Variants in GDF5 observed in about 807,000 individuals in gnomAD.
GDF5 encodes growth/differentiation factor 5.
In GDF5, 17 loss-of-function variants were observed where a neutral mutation model predicts 34.6. The observed-to-expected ratio is 0.49, with a 90% CI of 0.34 to 0.74. GDF5 has a LOEUF of 0.74. GDF5 is among the 30% of genes least tolerant of loss of function. The pLI, the probability that GDF5 is intolerant of heterozygous loss-of-function variation, is 0.01. For synonymous variants in GDF5, 332 were observed against 290.7 expected, an observed-to-expected ratio of 1.14 and a Z score of -1.44; for missense variants, 616 against 661.2, an observed-to-expected ratio of 0.93 and a Z score of 0.75.
intron 1 of GDF5, among the ~76,000 whole-genome samples, chr20:35,453,199 G>A (rs1477270091): frequency 1.3e-5 from 2 of 152,166 alleles, no homozygotes; most frequent in Non-Finnish European, 2.9e-5. Flanking sequence ...GCAGTGAGCC[G>A]AGATTGCGCC....
rs1273626689 is a variant in GDF5 at position 35,437,459 on chromosome 20, T to G, written c.470A>C (p.Glu157Ala). ...KKAREPGPPR[E>A]PKEPFRPPPI... Reference sequence around the variant, plus strand: ...GGGTGGGCGAAACGGCTCCTTGGGCTCTCGTGGGGGCCCGGGCTCCCTGGC... The same window carrying G: ...GGGTGGGCGAAACGGCTCCTTGGGCGCTCGTGGGGGCCCGGGCTCCCTGGC... Residue 157 changes from glutamate (E) to alanine (A), a missense_variant, in exon 1 of 2, where the codon GAG becomes GCG. Physicochemically the swap from Glu to Ala is moderately radical, Grantham distance 107. Transcript: ENST00000374369. 7.4e-6 allele frequency: 12 copies of G among 1,613,838 alleles called. No homozygotes were observed. Among genetic ancestry groups the G allele is most frequent in the Non-Finnish European group, 1.0e-5 (12 of 1,179,886 alleles).
intron 1 of GDF5, among the ~76,000 whole-genome samples, chr20:35,448,879 A>C (rs2062522264): frequency 6.6e-6 from 1 of 152,222 alleles, no homozygotes; most frequent in African/African-American, 2.4e-5. Flanking sequence ...TACGCTGGTC[A>C]CTTCGAGCCT....
chr20:35,442,529 A>G (rs2062501157), upstream of GDF5, among the ~76,000 whole-genome samples: 1 of 139,456 alleles, frequency 7.2e-6, no homozygotes, highest in African/African-American at 2.6e-5. Context: ...GTAACTCTTG[A>G]TACCCGTCTT....
chr20:35,437,773 G>A lies in GDF5; in HGVS notation c.156C>T (p.Pro52=), dbSNP rs111902988. ...CTGGCCTGAAGACGTTCCGGGCCAG[G>A]GGGGGCCTCTCCTTGGCCTCTGCTT... ...LAKAEAKERP[P]LARNVFRPGG... The change falls in exon 1 of 2, where the codon CCC becomes CCT. Residue 52 remains proline (P), a synonymous_variant. Coordinates refer to ENST00000374369, the MANE Select transcript of GDF5 (RefSeq NM_000557.5). 5.6e-5 allele frequency: 91 copies of A among 1,612,966 alleles called. 2 individuals are homozygous for A. In the East Asian group the frequency reaches 1.1e-3, roughly 19 times the overall value.
At chr20:35,441,389 T>C (rs1405976502), upstream of GDF5, 1 of 149,210 alleles carries the variant, frequency 6.7e-6, no homozygotes, top group Non-Finnish European at 1.5e-5. Context: ...CTGTCTCTAC[T>C]AAAAAAATAA....
At chr20:35,448,397 C>CAAAA (rs143351308) in intron 1 of GDF5, among the ~76,000 whole-genome samples, 2 of 110,526 alleles carry the variant, frequency 1.8e-5, no homozygotes, top group African/African-American at 7.3e-5. Flanking sequence ...TTGTTTTTTT[C>CAAAA]AAAAAAAAAA....
At chr20:35,447,600 T>C (rs887151801) in intron 1 of GDF5, among the ~76,000 whole-genome samples, 7 of 152,218 alleles carry the variant, frequency 4.6e-5, no homozygotes, top group Admixed American at 6.5e-5. Context: ...GAAAATATTT[T>C]TATTTTTAAA....
At chr20:35,446,428 T>G (rs550156327) in intron 1 of GDF5, among the ~76,000 whole-genome samples, 1 of 151,990 alleles carries the variant, frequency 6.6e-6, no homozygotes, top group South Asian at 2.1e-4. Flanking sequence ...AATTATAATT[T>G]TATTTATTGC....
intron 1 of GDF5, among the ~76,000 whole-genome samples, chr20:35,453,106 C>G (rs1303967331): frequency 6.6e-6 from 1 of 152,002 alleles, no homozygotes; most frequent in African/African-American, 2.4e-5. Context: ...AAAAATTAGC[C>G]GGGCGTGGTG....
In GDF5 at chr20:35,433,401, C is replaced by G. The variant is rs1436234401; in HGVS notation, c.*508G>C. On this transcript the variant is annotated 3_prime_UTR_variant, in exon 2 of 2. Coordinates refer to ENST00000374369, the MANE Select transcript of GDF5 (RefSeq NM_000557.5). Reference sequence around the variant, plus strand: ...TCAATATACATTTAAATCTAACAGTCTAACAGCCTCACACTCCTCAACTCT... The same window carrying G: ...TCAATATACATTTAAATCTAACAGTGTAACAGCCTCACACTCCTCAACTCT... 2 of 313,424 alleles carry G rather than the reference C, an allele frequency of 6.4e-6. No individual in the cohort carries two copies. Among genetic ancestry groups the G allele is most frequent in the Non-Finnish European group, 1.3e-5 (2 of 159,016 alleles). 19.4% of individuals were successfully genotyped at this position (313,424 alleles called of 1,614,324 possible). A position where few individuals can be genotyped will look rare whatever the true frequency, so the allele number is the denominator to read the frequency against.
upstream of GDF5, among the ~76,000 whole-genome samples, chr20:35,438,851 G>GTGTGCC (rs1385895650): frequency 8.1e-5 from 2 of 24,722 alleles, no homozygotes; most frequent in Admixed American, 1.4e-3. Flanking sequence ...GTGTGTGTGT[G>GTGTGCC]TGTGTGTGTT....
upstream of GDF5, among the ~76,000 whole-genome samples, chr20:35,439,157 T>C (rs923172873): frequency 6.6e-5 from 10 of 151,018 alleles, no homozygotes; most frequent in African/African-American, 2.4e-4. Context: ...GTCCTCTGAG[T>C]TTTCTTAGAC....
Position 35,434,680 on chromosome 20 carries a change from C to T in GDF5, c.735G>A (p.Lys245=). 2 of 1,613,052 alleles carry T rather than the reference C, an allele frequency of 1.2e-6. No homozygotes were observed. The highest frequency in any genetic ancestry group is 1.7e-6 in the Non-Finnish European group (2 of 1,179,624). The change falls in exon 2 of 2, where the codon AAG becomes AAA. Residue 245 remains lysine (K), a synonymous_variant. Coordinates refer to ENST00000374369, the MANE Select transcript of GDF5 (RefSeq NM_000557.5). ...CCGCTGGCTTGGCCGTGTCCGAGGG[C>T]TTCTTCCGCAAGATCCGCAGCTCGG... ...LGAELRILRK[K]PSDTAKPAAP...
chr20:35,436,221 A>C (rs780288297), intron 1 of GDF5, among the ~76,000 whole-genome samples: 1 of 152,046 alleles, frequency 6.6e-6, no homozygotes, highest in Admixed American at 6.6e-5. Context: ...TGGGGGGCAC[A>C]CGGACTTATT....
At chr20:35,444,558 T>C (rs1283554970) in intron 1 of GDF5, among the ~76,000 whole-genome samples, 1 of 152,108 alleles carries the variant, frequency 6.6e-6, no homozygotes, top group East Asian at 1.9e-4. Flanking sequence ...TTGTATGGCC[T>C]TATAAGCCCT....
upstream of GDF5, among the ~76,000 whole-genome samples, chr20:35,440,731 T>C (rs1294689669): frequency 6.6e-6 from 1 of 152,242 alleles, no homozygotes; most frequent in Non-Finnish European, 1.5e-5. Context: ...TTTTGTCATA[T>C]TTTAAAATCA....
rs562322937 is a variant in GDF5 at position 35,450,940 on chromosome 20, T to C, written c.-398+3700A>G. Among the ~76,000 whole-genome samples, 45 of 151,434 alleles carry C rather than the reference T, an allele frequency of 3.0e-4. 1 individual carries two copies. The highest frequency in any genetic ancestry group is 1.1e-3 in the African/African-American group (45 of 41,362). The stretch of plus-strand genomic sequence containing the variant: ...TTCCCCAAGGAGGAATGGGGACTCA[T>C]AGCCAGAAATATCTCCACACAAATT... On this transcript the variant is annotated intron_variant, in intron 1 of 3. Transcript: ENST00000374372.
At chr20:35,435,573 C>G (rs1202772713) in intron 1 of GDF5, 1 of 150,326 alleles carries the variant, frequency 6.7e-6, no homozygotes, top group South Asian at 2.1e-4. Context: ...GCTGCTTCCA[C>G]CATCCCTTAA....
At chr20:35,452,841 C>T (rs1481323638) in intron 1 of GDF5, among the ~76,000 whole-genome samples, 2 of 149,462 alleles carry the variant, frequency 1.3e-5, no homozygotes, top group Admixed American at 1.3e-4. Context: ...TGATACCTAC[C>T]ATGTGTGTAA....
Sources: gnomAD v4.1 joint callset for allele counts (sites outside exome capture counted in the v4.1 genomes callset) on GRCh38, gnomAD v4.1.1 for gene constraint, MANE v1.5 for transcripts, NCBI Gene and HGNC (gene_info 2026-07-23, HGNC 2026-07-21) for gene names.